DYRK4: variants seen among roughly 807,000 people sequenced by gnomAD.
DYRK4 encodes the protein dual specificity tyrosine phosphorylation regulated kinase 4.
A neutral mutation model predicts 68.3 loss-of-function variants in DYRK4; 64 were observed. The observed-to-expected ratio is 0.94, with a 90% CI of 0.77 to 1.15. The LOEUF (loss-of-function observed/expected upper bound fraction) is 1.15. Ranked by LOEUF, DYRK4 falls within the 50% of genes most tolerant of loss-of-function variation. DYRK4 has a pLI of 0.00. For synonymous variants in DYRK4, 274 were observed against 289.9 expected, an observed-to-expected ratio of 0.95 and a Z score of 0.56; for missense variants, 740 against 764.7, an observed-to-expected ratio of 0.97 and a Z score of 0.38.
At chr12:4,577,780 A>G (rs1220274150) in intron 2 of DYRK4, among the ~76,000 whole-genome samples, 1 of 152,186 alleles carries the variant, frequency 6.6e-6, no homozygotes, top group Non-Finnish European at 1.5e-5. Context: ...ATCTCAATTT[A>G]TTTAGATCCT....
At chr12:4,577,768 A>G (rs972801812) in intron 2 of DYRK4, among the ~76,000 whole-genome samples, 2 of 152,224 alleles carry the variant, frequency 1.3e-5, no homozygotes, top group East Asian at 1.9e-4. Flanking sequence ...AACATGGAAA[A>G]TATCTCAATT....
chr12:4,564,904 A>T (rs1944661518), intron 1 of DYRK4, among the ~76,000 whole-genome samples: 1 of 152,204 alleles, frequency 6.6e-6, no homozygotes, highest in Non-Finnish European at 1.5e-5. Context: ...ACCTAAGATA[A>T]TTAAATGACA....
At chr12:4,602,544 AG>A in intron 10 of DYRK4, 1 of 1,170,224 alleles carries the variant, frequency 8.5e-7, no homozygotes, top group Non-Finnish European at 1.3e-6. Flanking sequence ...TTATAAGTGG[AG>A]GGATATAAGC....
chr12:4,579,117 A>C (rs1944815973), intron 2 of DYRK4, among the ~76,000 whole-genome samples: 2 of 152,090 alleles, frequency 1.3e-5, no homozygotes, highest in Admixed American at 1.3e-4. Flanking sequence ...TCTACTAAAA[A>C]TACAAAAATT....
At chr12:4,608,688 T>C (rs1350470110) in intron 12 of DYRK4, among the ~76,000 whole-genome samples, 1 of 152,174 alleles carries the variant, frequency 6.6e-6, no homozygotes, top group Non-Finnish European at 1.5e-5. Flanking sequence ...TCTATGATCC[T>C]ACTCCAGTGC....
At position 4,568,045 on chromosome 12, in the gene DYRK4, G is replaced by T. The variant is rs10444471; in HGVS notation, c.129G>T (p.Ala43=). Residue 43 remains alanine (A), a synonymous_variant, in exon 2 of 15, where the codon GCG becomes GCT. Coordinates refer to ENST00000543431, the MANE Select transcript of DYRK4 (RefSeq NM_001394779.1). Reference sequence around the variant, plus strand: ...GAAAGAAACAAAAGTTCACCTCTGCGAAGGTAAAGATCCTTGAATTTTCAC... The same window carrying T: ...GAAAGAAACAAAAGTTCACCTCTGCTAAGGTAAAGATCCTTGAATTTTCAC... ...KARKKQKFTS[A]KVGSKLSVQI... 0.042 allele frequency: 64,042 copies of T among 1,535,664 alleles called. 2,573 individuals are homozygous for T. The highest frequency in any genetic ancestry group is 0.2 in the African/African-American group (14,634 of 73,086).
chr12:4,570,914 G>T (rs1944724418), intron 2 of DYRK4, among the ~76,000 whole-genome samples: 1 of 152,182 alleles, frequency 6.6e-6, no homozygotes, highest in South Asian at 2.1e-4. Context: ...GATGCCAGTG[G>T]AGCTTCCCTG....
At chr12:4,605,355 C>T (rs879709521) in intron 11 of DYRK4, among the ~76,000 whole-genome samples, 5 of 152,186 alleles carry the variant, frequency 3.3e-5, no homozygotes, top group Non-Finnish European at 5.9e-5. Flanking sequence ...AATTACACCG[C>T]TCTTTCAAAA....
intron 6 of DYRK4, 55 bp from the exon 7 acceptor site, chr12:4,596,094 A>G (rs1272791916): frequency 3.8e-6 from 6 of 1,586,734 alleles, no homozygotes; most frequent in Non-Finnish European, 5.2e-6. Flanking sequence ...GCCATGTACC[A>G]GGAAGGCCTG....
chr12:4,602,807 A>G (rs1974603), intron 10 of DYRK4: 1,455,422 of 1,456,504 alleles, frequency 1, 727,176 homozygotes, highest in Middle Eastern at 1. Context: ...GCTTCCATTA[A>G]TAAGTGACAG....
chr12:4,611,181 G>T (rs1040503441), intron 13 of DYRK4, among the ~76,000 whole-genome samples: 11 of 152,168 alleles, frequency 7.2e-5, no homozygotes, highest in Non-Finnish European at 1.6e-4. Flanking sequence ...TGTGCTCTCT[G>T]GAATTTCAGT....
In DYRK4 at chr12:4,591,293, C is replaced by A; in HGVS notation, c.458C>A (p.Ala153Glu). The change falls in exon 5 of 15, where the codon GCG (alanine) becomes GAG (glutamate). Residue 153 changes from alanine to glutamate, a missense_variant. Physicochemically the swap from Ala to Glu is moderately radical, Grantham distance 107. Transcript: ENST00000543431. The surrounding 1 kb of genome is among the most constrained non-coding windows in gnomAD (Gnocchi z 4.1). ...SPKKQKVTLT[A>E]AEALKLFKNQ... ...AAGAAGCAAAAGGTGACTCTGACAGCGGCAGGTATGCCTTTGGGGCAGTAG... is the reference window on the plus strand; with the variant it reads ...AAGAAGCAAAAGGTGACTCTGACAGAGGCAGGTATGCCTTTGGGGCAGTAG... 3 of 1,613,844 alleles carry A rather than the reference C, an allele frequency of 1.9e-6. No individual in the cohort carries two copies. Among genetic ancestry groups the A allele is most frequent in the Non-Finnish European group, 2.5e-6 (3 of 1,179,886 alleles).
chr12:4,599,272 T>TTTG (rs202029653), intron 9 of DYRK4, 106 bp downstream of exon 9: 27,692 of 497,448 alleles, frequency 0.056, 369 homozygotes, highest in South Asian at 0.096. Flanking sequence ...GCCTTTGACT[T>TTTG]TTTTTTTTTT....
intron 8 of DYRK4, among the ~76,000 whole-genome samples, chr12:4,597,775 C>T (rs1245792502): frequency 6.6e-6 from 1 of 152,192 alleles, no homozygotes; most frequent in Non-Finnish European, 1.5e-5. Context: ...CATGGTGGCT[C>T]ATGCCTGTAA....
chr12:4,578,717 T>A (rs1944812334), intron 2 of DYRK4, among the ~76,000 whole-genome samples: 1 of 152,170 alleles, frequency 6.6e-6, no homozygotes, highest in Non-Finnish European at 1.5e-5. Flanking sequence ...AGTCTTGTTT[T>A]GTGGAAAAGC....
At chr12:4,571,698 A>G (rs1415498029) in intron 2 of DYRK4, among the ~76,000 whole-genome samples, 1 of 152,232 alleles carries the variant, frequency 6.6e-6, no homozygotes, top group Admixed American at 6.5e-5. Flanking sequence ...TTTATATGTT[A>G]AAATAGTATT....
intron 10 of DYRK4, chr12:4,602,892 C>A (rs919293206): frequency 1.0e-6 from 1 of 1,002,306 alleles, no homozygotes. Flanking sequence ...CTTTCATTTT[C>A]AAAATAACTT....
chr12:4,585,926 A>G (rs776727404), intron 2 of DYRK4, among the ~76,000 whole-genome samples: 15 of 152,206 alleles, frequency 9.9e-5, no homozygotes, highest in Non-Finnish European at 1.9e-4. Flanking sequence ...AACTGAAAAG[A>G]GCTTTAGCTG....
intron 13 of DYRK4, among the ~76,000 whole-genome samples, chr12:4,611,789 A>G (rs1945224085): frequency 6.6e-6 from 1 of 152,180 alleles, no homozygotes; most frequent in Non-Finnish European, 1.5e-5. Context: ...GATGGTGAAA[A>G]CCATATCATA....
Sources: gnomAD v4.1 joint callset for allele counts (sites outside exome capture counted in the v4.1 genomes callset) on GRCh38, gnomAD v4.1.1 for gene constraint, Gnocchi (gnomAD v3.1) non-coding constraint, MANE v1.5 for transcripts, NCBI Gene and HGNC (gene_info 2026-07-23, HGNC 2026-07-21) for gene names.